The following IL13RA1 variants were observed in gnomAD, a reference collection of about 807,000 sequenced individuals.
The protein encoded by IL13RA1 is interleukin 13 receptor subunit alpha 1.
A neutral mutation model predicts 33.8 loss-of-function variants in IL13RA1; 14 were observed. The ratio of observed to expected loss-of-function variants is 0.41; its 90% confidence interval spans 0.27 to 0.65. The LOEUF (loss-of-function observed/expected upper bound fraction) is 0.65. IL13RA1 is among the 30% of genes least tolerant of loss of function. The pLI is 0.28. For missense variants in IL13RA1, 313 were observed against 327.0 expected (o/e 0.96, Z 0.33); for synonymous variants, 116 against 115.7 (o/e 1.00, Z -0.02).
chrX:118,797,530 C>T (rs151214543), downstream of IL13RA1, among the ~76,000 whole-genome samples: 306 of 112,344 alleles, frequency 2.7e-3, 1 homozygote, highest in Non-Finnish European at 4.8e-3. Flanking sequence ...TCCTGTCCCA[C>T]TCCTCCTTAC....
At chrX:118,755,219 G>A (rs111663197) in intron 4 of IL13RA1, among the ~76,000 whole-genome samples, 2 of 110,547 alleles carry the variant, frequency 1.8e-5, no homozygotes, top group African/African-American at 6.6e-5. Context: ...AAAGTGCTGG[G>A]ATTACAGGCG....
At chrX:118,790,128 T>C (rs1452583723) in intron 10 of IL13RA1, among the ~76,000 whole-genome samples, 1 of 112,067 alleles carries the variant, frequency 8.9e-6, no homozygotes, top group Non-Finnish European at 1.9e-5. Context: ...CTAAAAGTTA[T>C]CTTGTAGTCC....
chrX:118,764,435 G>A (rs1603216415), intron 6 of IL13RA1, among the ~76,000 whole-genome samples: 1 of 109,706 alleles, frequency 9.1e-6, no homozygotes, highest in Admixed American at 9.8e-5. Context: ...ACAGGTCTAC[G>A]ATTCTAAATG....
Position 118,749,779 on chromosome X carries a change from G to T in IL13RA1, c.488+1G>T. On this transcript the variant is annotated splice_donor_variant, in intron 4 of 10. Coordinates refer to ENST00000371666, the MANE Select transcript of IL13RA1 (RefSeq NM_001560.3). LOFTEE classifies it high-confidence loss of function. Reference sequence around the variant, plus strand: ...ACACTAACTATACTCTCTACTATTGGTGAGTATGTACAGTACAATTACTGG... The same window carrying T: ...ACACTAACTATACTCTCTACTATTGTTGAGTATGTACAGTACAATTACTGG... 8.7e-7 allele frequency: 1 copy of T among 1,155,980 alleles called. No homozygotes were observed. Among genetic ancestry groups the T allele is most frequent in the Non-Finnish European group, 1.2e-6 (1 of 845,468 alleles).
intron 9 of IL13RA1, among the ~76,000 whole-genome samples, chrX:118,775,556 A>C: frequency 8.9e-6 from 1 of 111,947 alleles, no homozygotes; most frequent in Middle Eastern, 4.6e-3. Context: ...CTAGGGGGTT[A>C]GCAATGGAGA....
chrX:118,744,992 A>T (rs2017387241), intron 2 of IL13RA1, among the ~76,000 whole-genome samples: 1 of 111,760 alleles, frequency 8.9e-6, no homozygotes, highest in South Asian at 3.7e-4. Context: ...TGTGCTTAGT[A>T]AAATTGTGAG....
intron 3 of IL13RA1, among the ~76,000 whole-genome samples, 183 bp downstream of exon 3, chrX:118,747,275 C>G (rs2017416340): frequency 9.0e-6 from 1 of 111,273 alleles, no homozygotes; most frequent in African/African-American, 3.3e-5. Flanking sequence ...CTTGAAGAAG[C>G]TTACAAACAA....
intron 1 of IL13RA1, among the ~76,000 whole-genome samples, chrX:118,738,629 G>A (rs2017308834): frequency 1.8e-5 from 2 of 111,265 alleles, no homozygotes; most frequent in Admixed American, 1.9e-4. Context: ...CTGTTGGTGG[G>A]CACTTAGGTT....
intron 6 of IL13RA1, among the ~76,000 whole-genome samples, chrX:118,765,822 T>C (rs1353411762): frequency 8.9e-6 from 1 of 112,459 alleles, no homozygotes; most frequent in African/African-American, 3.2e-5. Flanking sequence ...GTCAGGTAAG[T>C]GTGTGTATTG....
chrX:118,791,667 A>G, intron 10 of IL13RA1, 95 bp from the exon 11 acceptor site: 1 of 420,414 alleles, frequency 2.4e-6, no homozygotes, highest in Non-Finnish European at 4.1e-6. Flanking sequence ...GGTTCCATCC[A>G]CACAAACCTA....
At chrX:118,768,669 AAAG>A (rs2017676810) in intron 8 of IL13RA1, among the ~76,000 whole-genome samples, 1 of 110,065 alleles carries the variant, frequency 9.1e-6, no homozygotes, top group Admixed American at 9.5e-5. Context: ...ATCCTTATAA[AAAG>A]AGAAGCCACA....
intron 8 of IL13RA1, chrX:118,770,814 T>A: frequency 3.3e-6 from 1 of 303,792 alleles, no homozygotes; most frequent in South Asian, 3.1e-5. Context: ...TCATCTACAT[T>A]AGCTACCAGG....
At chrX:118,749,146 C>T (rs2017442848) in intron 3 of IL13RA1, among the ~76,000 whole-genome samples, 2 of 112,112 alleles carry the variant, frequency 1.8e-5, no homozygotes, top group African/African-American at 6.5e-5. Context: ...GAACTCCTGA[C>T]CTCAAATGAT....
the IL13RA1 span, among the ~76,000 whole-genome samples, chrX:118,800,406 A>G: frequency 9.0e-6 from 1 of 110,799 alleles, no homozygotes; most frequent in African/African-American, 3.3e-5. Flanking sequence ...CAGCGAGACC[A>G]CGAGCCCACC....
chrX:118,776,027 G>A (rs774098317), intron 9 of IL13RA1, among the ~76,000 whole-genome samples: 1 of 111,108 alleles, frequency 9.0e-6, no homozygotes. Context: ...CTGGGAGATG[G>A]AGGCAAGCTA....
intron 2 of IL13RA1, 132 bp downstream of exon 2, chrX:118,741,288 G>T: frequency 2.2e-6 from 1 of 457,456 alleles, no homozygotes; most frequent in Non-Finnish European, 3.7e-6. Flanking sequence ...TTTCAGTTGG[G>T]GAAATTATAG....
the IL13RA1 span, among the ~76,000 whole-genome samples, chrX:118,800,849 C>T: frequency 9.0e-5 from 10 of 111,651 alleles, no homozygotes; most frequent in Non-Finnish European, 1.7e-4. Context: ...TGCAGTAATG[C>T]GAGCTCGGCT....
intron 1 of IL13RA1, among the ~76,000 whole-genome samples, chrX:118,740,559 A>G (rs900121578): frequency 1.8e-5 from 2 of 111,893 alleles, no homozygotes; most frequent in African/African-American, 6.5e-5. Flanking sequence ...TTGGGAGGCC[A>G]AGGTGGGCGG....
rs372692784 is a variant in IL13RA1 at position 118,741,208 on chromosome X, T to G, written c.228+52T>G. On this transcript the variant is annotated intron_variant, in intron 2 of 10. Coordinates refer to ENST00000371666, the MANE Select transcript of IL13RA1 (RefSeq NM_001560.3). The stretch of plus-strand genomic sequence containing the variant: ...GATGAGGTAAAGTGAACACTATGAA[T>G]TGGAGCCAAGAATAAGCCAAATTCT... The G allele has an allele frequency of 1.2e-5, 10 of 841,451 alleles. No homozygotes were observed. The African/African-American group carries it at 1.4e-4, about 12-fold the overall frequency. 69.3% of individuals were successfully genotyped at this position (841,451 alleles called of 1,213,427 possible).
Sources: allele counts gnomAD v4.1 joint callset (sites outside exome capture counted in the v4.1 genomes callset), GRCh38; gene constraint gnomAD v4.1.1; transcripts MANE v1.5; gene names NCBI Gene and HGNC (gene_info 2026-07-23, HGNC 2026-07-21).